KIF1B: variants seen among roughly 807,000 people sequenced by gnomAD.
The protein encoded by KIF1B is kinesin-like protein KIF1B.
In KIF1B, 76 loss-of-function variants were observed where a neutral mutation model predicts 241.9. That is an observed-to-expected ratio of 0.31 (90% CI 0.26 to 0.38). The LOEUF (loss-of-function observed/expected upper bound fraction) is 0.38. KIF1B is among the 10% of genes least tolerant of loss of function. The pLI is 1.00. For missense variants in KIF1B, 1,622 were observed against 2,271.4 expected (o/e 0.71, Z 5.81); for synonymous variants, 750 against 796.7 (o/e 0.94, Z 0.99).
At chr1:10,242,510 G>C (rs1038803185) in intron 2 of KIF1B, among the ~76,000 whole-genome samples, 12 of 152,116 alleles carry the variant, frequency 7.9e-5, no homozygotes, top group African/African-American at 2.9e-4. Context: ...GTAACAATAC[G>C]ATATTATTAA....
chr1:10,221,844 C>T (rs957747148), intron 1 of KIF1B, among the ~76,000 whole-genome samples: 9 of 152,138 alleles, frequency 5.9e-5, no homozygotes, highest in Non-Finnish European at 1.2e-4. Context: ...TAGACAGTGT[C>T]TTGCTCTGTC....
At chr1:10,368,859 A>C (rs1248737306) in intron 44 of KIF1B, among the ~76,000 whole-genome samples, 1 of 152,180 alleles carries the variant, frequency 6.6e-6, no homozygotes, top group Non-Finnish European at 1.5e-5. Context: ...GGGTACAAGG[A>C]AACCCTGAGG....
At chr1:10,369,701 G>T (rs1039648414) in intron 44 of KIF1B, among the ~76,000 whole-genome samples, 1 of 152,214 alleles carries the variant, frequency 6.6e-6, no homozygotes, top group Admixed American at 6.5e-5. Context: ...GGGAGGCCAA[G>T]GCGGGAAGAT....
At chr1:10,262,055 G>A in intron 5 of KIF1B, 85 bp downstream of exon 5, 1 of 896,814 alleles carries the variant, frequency 1.1e-6, no homozygotes, top group Admixed American at 1.9e-5. Context: ...TTATGACTGT[G>A]GTACACATCA....
At chr1:10,248,071 C>T (rs2102163972) in intron 2 of KIF1B, among the ~76,000 whole-genome samples, 1 of 152,314 alleles carries the variant, frequency 6.6e-6, no homozygotes, top group South Asian at 2.1e-4. Flanking sequence ...CGGTCTCTGG[C>T]CCAGGGGTGG....
chr1:10,265,296 G>A (rs1383139777), intron 5 of KIF1B, among the ~76,000 whole-genome samples: 1 of 151,370 alleles, frequency 6.6e-6, no homozygotes, highest in East Asian at 2.0e-4. Context: ...GTGCAGTGGC[G>A]TGATCTCAGC....
At position 10,361,214 on chromosome 1, in the gene KIF1B, T is replaced by A. The variant is rs555744177; in HGVS notation, c.4170+171T>A. Among the ~76,000 whole-genome samples, 4 of 152,320 alleles carry A rather than the reference T, an allele frequency of 2.6e-5. No homozygotes were observed. In the East Asian group the frequency reaches 7.7e-4, roughly 29 times the overall value. On this transcript the variant is annotated intron_variant, in intron 39 of 48. Transcript: ENST00000676179. ...GCTAACTCTTCTGATTATATTAGACTCTATTCCTGGGTTCTGTTTACTCAA... is the reference window on the plus strand; with the variant it reads ...GCTAACTCTTCTGATTATATTAGACACTATTCCTGGGTTCTGTTTACTCAA...
chr1:10,258,739 G>A, intron 4 of KIF1B, 67 bp downstream of exon 4: 1 of 1,502,374 alleles, frequency 6.7e-7, no homozygotes, highest in Non-Finnish European at 9.2e-7. Flanking sequence ...TGCTTTAACA[G>A]TTATTTTTAT....
chr1:10,330,018 C>A (rs1651864678), intron 27 of KIF1B, among the ~76,000 whole-genome samples: 1 of 152,146 alleles, frequency 6.6e-6, no homozygotes, highest in Non-Finnish European at 1.5e-5. Context: ...CATAATTTTG[C>A]TAATTTTTCT....
At chr1:10,226,997 A>G (rs949294936) in intron 1 of KIF1B, among the ~76,000 whole-genome samples, 1 of 150,862 alleles carries the variant, frequency 6.6e-6, no homozygotes, top group African/African-American at 2.4e-5. Context: ...ACAAAAAAAT[A>G]CATTGTATTT....
chr1:10,303,262 T>C lies in KIF1B; in HGVS notation c.2115+6016T>C, dbSNP rs201898496. On this transcript the variant is annotated intron_variant, in intron 22 of 48. Transcript: ENST00000676179. This position sits in a 1 kb window ranked among gnomAD's most constrained non-coding sequence, Gnocchi z 5.2. The stretch of plus-strand genomic sequence containing the variant: ...GAGAGAAAAGCTACCTCCCAGCAAG[T>C]TGCAAACCATTGTTAAAAAATGTGG... The C allele has an allele frequency of 4.4e-5, 71 of 1,614,026 alleles. No individual in the cohort carries two copies. Among genetic ancestry groups the C allele is most frequent in the South Asian group, 3.3e-5 (3 of 91,084 alleles).
intron 15 of KIF1B, among the ~76,000 whole-genome samples, chr1:10,287,122 A>T (rs534051413): frequency 6.6e-6 from 1 of 152,354 alleles, no homozygotes; most frequent in African/African-American, 2.4e-5. Context: ...GAACTGTTTC[A>T]TAGAACATTT....
intron 1 of KIF1B, among the ~76,000 whole-genome samples, chr1:10,215,781 G>T (rs1237013061): frequency 6.6e-6 from 1 of 151,656 alleles, no homozygotes; most frequent in East Asian, 2.0e-4. Context: ...TTGAACTCCT[G>T]AGCTCAAGTG....
At chr1:10,347,002 C>A (rs1011274102) in intron 35 of KIF1B, among the ~76,000 whole-genome samples, 2 of 152,208 alleles carry the variant, frequency 1.3e-5, no homozygotes, top group Non-Finnish European at 2.9e-5. Flanking sequence ...AGTTGAGAAC[C>A]ACTGTCCTAG....
At chr1:10,229,627 C>T (rs910267964) in intron 1 of KIF1B, among the ~76,000 whole-genome samples, 4 of 151,536 alleles carry the variant, frequency 2.6e-5, no homozygotes, top group African/African-American at 4.9e-5. Flanking sequence ...GAGGCTGAGG[C>T]GGGTGGATCA....
chr1:10,263,284 T>C (rs12408435), intron 5 of KIF1B, among the ~76,000 whole-genome samples: 1 of 142,534 alleles, frequency 7.0e-6, no homozygotes, highest in Non-Finnish European at 1.5e-5. Context: ...AAAAAAATAA[T>C]AATAATAAAT....
Position 10,374,262 on chromosome 1 carries a change from G to T in KIF1B, c.4947-54G>T. 1.3e-6 allele frequency: 2 copies of T among 1,572,744 alleles called. No homozygotes were observed. Among genetic ancestry groups the T allele is most frequent in the South Asian group, 2.2e-5 (2 of 90,214 alleles). Reference sequence around the variant, plus strand: ...AGTGAAACAGTACTCAGTATGCCTTGATTGTAACTGATTCTCTTGTTACCC... The same window carrying T: ...AGTGAAACAGTACTCAGTATGCCTTTATTGTAACTGATTCTCTTGTTACCC... On this transcript the variant is annotated intron_variant, in intron 45 of 48. Transcript: ENST00000676179. The surrounding 1 kb of genome is among the most constrained non-coding windows in gnomAD (Gnocchi z 4.3).
intron 1 of KIF1B, among the ~76,000 whole-genome samples, chr1:10,223,210 A>G (rs1003307917): frequency 2.0e-5 from 3 of 151,946 alleles, no homozygotes; most frequent in Admixed American, 6.6e-5. Context: ...CGAGATGGCT[A>G]TTGCACTTCA....
chr1:10,311,371 G>A (rs1651057254), intron 22 of KIF1B, among the ~76,000 whole-genome samples: 1 of 151,014 alleles, frequency 6.6e-6, no homozygotes, highest in South Asian at 2.1e-4. Context: ...ACCACACCGA[G>A]CTAATTTTTG....
Sources: allele counts gnomAD v4.1 joint callset (sites outside exome capture counted in the v4.1 genomes callset), GRCh38; gene constraint gnomAD v4.1.1; non-coding constraint Gnocchi (gnomAD v3.1); transcripts MANE v1.5; gene names NCBI Gene and HGNC (gene_info 2026-07-23, HGNC 2026-07-21).